Variants in ARNT2 observed in about 807,000 individuals in gnomAD.
ARNT2 encodes ARNT protein 2.
In ARNT2, 36 loss-of-function variants were observed where a neutral mutation model predicts 91.7. The ratio of observed to expected loss-of-function variants is 0.39; its 90% CI spans 0.30 to 0.52. The LOEUF (loss-of-function observed/expected upper bound fraction) is 0.52, where lower values mean the gene tolerates loss of function less well. Among genes scored for constraint, ARNT2 ranks in the 20% least tolerant of loss-of-function variants. The pLI is 0.72. For missense variants in ARNT2, 775 were observed against 939.3 expected (o/e 0.83, Z 2.29); for synonymous variants, 365 against 347.1 (o/e 1.05, Z -0.57).
chr15:80,539,553 C>T (rs997228459), intron 8 of ARNT2, among the ~76,000 whole-genome samples: 1 of 151,948 alleles, frequency 6.6e-6, no homozygotes, highest in Non-Finnish European at 1.5e-5. Context: ...GAGGAATGCT[C>T]ATTGTTATTC....
intron 1 of ARNT2, among the ~76,000 whole-genome samples, chr15:80,422,186 CA>C (rs899186890): frequency 1.3e-5 from 2 of 152,068 alleles, no homozygotes; most frequent in African/African-American, 4.8e-5. Flanking sequence ...GATACTTTTT[CA>C]GAATCGATGA....
intron 8 of ARNT2, among the ~76,000 whole-genome samples, chr15:80,538,150 A>G (rs1306141078): frequency 6.6e-6 from 1 of 152,226 alleles, no homozygotes; most frequent in African/African-American, 2.4e-5. Context: ...ATTTAAATAT[A>G]TGAAGCAAAA....
chr15:80,462,175 G>T (rs1390693462), intron 3 of ARNT2, among the ~76,000 whole-genome samples: 1 of 150,970 alleles, frequency 6.6e-6, no homozygotes, highest in Non-Finnish European at 1.5e-5. Flanking sequence ...TGGTTCAGGG[G>T]CATCTTCCTA....
intron 8 of ARNT2, among the ~76,000 whole-genome samples, chr15:80,535,246 G>A (rs1897802705): frequency 6.6e-6 from 1 of 152,192 alleles, no homozygotes; most frequent in Non-Finnish European, 1.5e-5. Context: ...TTTAGTCCCA[G>A]AGTTAGTTTT....
chr15:80,443,460 G>A lies in ARNT2; in HGVS notation c.32-7420G>A, dbSNP rs574896178. On this transcript the variant is annotated intron_variant, in intron 1 of 18. Coordinates refer to ENST00000303329, the MANE Select transcript of ARNT2 (RefSeq NM_014862.4). Reference sequence around the variant, plus strand: ...AGTGGAATGCAGGAAGGTCAGGGGCGTCCTGAGGCAGGCCAGCAGCAGAGC... The same window carrying A: ...AGTGGAATGCAGGAAGGTCAGGGGCATCCTGAGGCAGGCCAGCAGCAGAGC... 4.2e-4 allele frequency among the ~76,000 whole-genome samples: 64 copies of A among 152,046 alleles called. 1 individual carries two copies. The South Asian group carries it at 8.3e-3, about 20-fold the overall frequency.
At chr15:80,567,199 G>A (rs192726835) in intron 12 of ARNT2, among the ~76,000 whole-genome samples, 1 of 152,324 alleles carries the variant, frequency 6.6e-6, no homozygotes, top group East Asian at 1.9e-4. Flanking sequence ...TCTTGAGACA[G>A]GGTAACAGGA....
chr15:80,553,891 C>T (rs778527072), intron 10 of ARNT2, among the ~76,000 whole-genome samples: 4 of 152,282 alleles, frequency 2.6e-5, no homozygotes, highest in Admixed American at 6.5e-5. Flanking sequence ...ATATAAACCT[C>T]GAGATTCTTG....
intron 3 of ARNT2, among the ~76,000 whole-genome samples, chr15:80,460,029 A>G (rs1896531035): frequency 6.6e-6 from 1 of 152,124 alleles, no homozygotes; most frequent in South Asian, 2.1e-4. Context: ...TCCAATTGGC[A>G]TGGAACACCC....
At chr15:80,459,434 G>A (rs1211277196) in intron 3 of ARNT2, among the ~76,000 whole-genome samples, 6 of 152,106 alleles carry the variant, frequency 3.9e-5, no homozygotes, top group Admixed American at 3.3e-4. Context: ...GTTTGCTCTC[G>A]CTGTACACAG....
chr15:80,409,314 A>C (rs77604024), intron 1 of ARNT2, among the ~76,000 whole-genome samples: 8 of 152,192 alleles, frequency 5.3e-5, no homozygotes, highest in Non-Finnish European at 1.0e-4. Context: ...AAGTCATGTA[A>C]TTGGATTCAT....
chr15:80,594,808 A>C lies in ARNT2; in HGVS notation c.*1110A>C, dbSNP rs1257982096. The stretch of plus-strand genomic sequence containing the variant: ...GGGTAGGACGCCCAGGCCTTCTCAC[A>C]TGGGCACCATGAAACACTTTCTTCC... On this transcript the variant is annotated 3_prime_UTR_variant, in exon 19 of 19. Transcript: ENST00000303329. The C allele has an allele frequency of 6.6e-6, 1 of 152,258 alleles. No individual in the cohort carries two copies. The highest frequency in any genetic ancestry group is 2.4e-5 in the African/African-American group (1 of 41,442). The allele number at this position is 152,258 out of a possible 1,614,324, so 9.4% of individuals were successfully genotyped here. A position where few individuals can be genotyped will look rare whatever the true frequency, so the allele number is the denominator to read the frequency against.
chr15:80,505,866 T>C (rs1473871406), intron 5 of ARNT2, among the ~76,000 whole-genome samples: 1 of 151,552 alleles, frequency 6.6e-6, no homozygotes, highest in Non-Finnish European at 1.5e-5. Context: ...CAGTTGTACA[T>C]GTAAGAGCTT....
chr15:80,480,359 C>T (rs1264861821), intron 5 of ARNT2, among the ~76,000 whole-genome samples: 1 of 152,122 alleles, frequency 6.6e-6, no homozygotes, highest in African/African-American at 2.4e-5. Context: ...CCCAAGGGAG[C>T]ATGGAGTGAG....
rs1248706300 is a variant in ARNT2 at position 80,594,522 on chromosome 15, A to C, written c.*824A>C. 2.0e-5 allele frequency: 3 copies of C among 152,270 alleles called. No homozygotes were observed. Among genetic ancestry groups the C allele is most frequent in the African/African-American group, 7.2e-5 (3 of 41,444 alleles). 9.4% of individuals were successfully genotyped at this position (152,270 alleles called of 1,614,324 possible). On this transcript the variant is annotated 3_prime_UTR_variant, in exon 19 of 19. Coordinates refer to ENST00000303329, the MANE Select transcript of ARNT2 (RefSeq NM_014862.4). The stretch of plus-strand genomic sequence containing the variant: ...CAGCTAGGGGCATGCTCACATGGGT[A>C]GGTCAGTTCTTTGGTCCAAGCCTCT...
Position 80,597,440 on chromosome 15 carries a change from C to G in ARNT2, c.*3742C>G. On this transcript the variant is annotated 3_prime_UTR_variant, in exon 19 of 19. Transcript: ENST00000303329. ...GCCGGGGTCATTCCCCACCAAACAC[C>G]CCATACTAAGGAGCCATGAGCCACC... 5.6e-6 allele frequency: 2 copies of G among 355,338 alleles called. No homozygotes were observed. Among genetic ancestry groups the G allele is most frequent in the Non-Finnish European group, 1.1e-5 (2 of 178,736 alleles). 22.0% of individuals were successfully genotyped at this position (355,338 alleles called of 1,614,324 possible). A position where few individuals can be genotyped will look rare whatever the true frequency, so the allele number is the denominator to read the frequency against.
intron 5 of ARNT2, among the ~76,000 whole-genome samples, chr15:80,484,601 GT>G (rs1334256620): frequency 1.3e-5 from 2 of 152,172 alleles, no homozygotes; most frequent in African/African-American, 2.4e-5. Context: ...AACTGTTTGT[GT>G]TTTTTTCTCA....
chr15:80,461,578 G>C (rs1896553589), intron 3 of ARNT2, among the ~76,000 whole-genome samples: 6 of 152,186 alleles, frequency 3.9e-5, no homozygotes, highest in Admixed American at 3.9e-4. Flanking sequence ...CAGTAGAGGA[G>C]GCCGAGGTCA....
chr15:80,414,773 T>G (rs939326250), intron 1 of ARNT2, among the ~76,000 whole-genome samples: 1 of 152,028 alleles, frequency 6.6e-6, no homozygotes, highest in Non-Finnish European at 1.5e-5. Flanking sequence ...CTCTCTTTTT[T>G]TTTTTTTTGA....
rs189126859 is a variant in ARNT2 at position 80,494,840 on chromosome 15, A to G, written c.623-13316A>G. ...CAAATGTGCCAGTCTTGGTCTTTTC[A>G]TTGCTCATGAGATGATGATCTCTTG... On this transcript the variant is annotated intron_variant, in intron 5 of 18. Coordinates refer to ENST00000303329, the MANE Select transcript of ARNT2 (RefSeq NM_014862.4). Among the ~76,000 whole-genome samples, 136 of 152,166 alleles carry G rather than the reference A, an allele frequency of 8.9e-4. 1 individual carries two copies. Among genetic ancestry groups the G allele is most frequent in the Admixed American group, 1.8e-3 (27 of 15,288 alleles).
Sources: gnomAD v4.1 joint callset for allele counts (sites outside exome capture counted in the v4.1 genomes callset) on GRCh38, gnomAD v4.1.1 for gene constraint, MANE v1.5 for transcripts, NCBI Gene and HGNC (gene_info 2026-07-23, HGNC 2026-07-21) for gene names.